The following ADK variants were observed in gnomAD, a reference collection of about 807,000 sequenced individuals.
ADK encodes N6,N6-dimethyladenosine kinase.
ADK carries 24 observed loss-of-function variants against 44.7 expected under a neutral mutation model. That is an observed-to-expected ratio of 0.54 (90% CI 0.39 to 0.76). ADK has a LOEUF of 0.76. Among genes scored for constraint, ADK ranks in the 30% least tolerant of loss-of-function variants. ADK has a pLI of 0.00. For missense variants in ADK, 321 were observed against 425.1 expected (o/e 0.76, Z 2.15); for synonymous variants, 128 against 142.6 (o/e 0.90, Z 0.73).
At chr10:74,411,309 T>C (rs1844167986) in intron 6 of ADK, among the ~76,000 whole-genome samples, 1 of 152,198 alleles carries the variant, frequency 6.6e-6, no homozygotes, top group African/African-American at 2.4e-5. Context: ...TATGAATCTT[T>C]TTCATTCATG....
At chr10:74,655,095 C>A in intron 9 of ADK, 1 of 274,626 alleles carries the variant, frequency 3.6e-6, no homozygotes, top group South Asian at 4.4e-5. Flanking sequence ...CTCTGGGAAC[C>A]TTACCCTGGG....
At chr10:74,378,205 G>A (rs905531606) in intron 4 of ADK, among the ~76,000 whole-genome samples, 1 of 152,080 alleles carries the variant, frequency 6.6e-6, no homozygotes, top group African/African-American at 2.4e-5. Context: ...GAGCCCAGGA[G>A]TTTGAGGTTA....
chr10:74,398,562 A>G lies in ADK; in HGVS notation c.538A>G (p.Arg180Gly). The G allele has an allele frequency of 6.2e-7, 1 of 1,605,000 alleles. No individual in the cohort carries two copies. Among genetic ancestry groups the G allele is most frequent in the Non-Finnish European group, 8.5e-7 (1 of 1,172,698 alleles). ...AAACTGGATGTTGGTAGAAAAAGCA[A>G]GAGTTTGTTATATAGCAGTAAGTAC... ...EKNWMLVEKA[R>G]VCYIAGFFLT... Residue 180 changes from arginine to glycine, a missense_variant, in exon 6 of 11, where the codon AGA becomes GGA. Arg to Gly is a moderately radical substitution (Grantham distance 125). Transcript: ENST00000539909.
intron 1 of ADK, among the ~76,000 whole-genome samples, chr10:74,159,425 C>T (rs1409143794): frequency 1.3e-5 from 2 of 152,150 alleles, no homozygotes; most frequent in Non-Finnish European, 2.9e-5. Flanking sequence ...GTGAAGGTAG[C>T]CTGTGTGATC....
intron 3 of ADK, among the ~76,000 whole-genome samples, chr10:74,276,964 C>A (rs1410802033): frequency 6.6e-6 from 1 of 151,434 alleles, no homozygotes; most frequent in East Asian, 1.9e-4. Context: ...GTTGCACAGA[C>A]TGCAGTACAG....
At chr10:74,372,311 G>A in intron 4 of ADK, 1 of 756,528 alleles carries the variant, frequency 1.3e-6, no homozygotes, top group Non-Finnish European at 2.4e-6. Flanking sequence ...CTATTCATCA[G>A]TTCCCTACTG....
chr10:74,302,088 CTGTTTTTTTTTTGTTTGTTTGTTTTT>C (rs1840055336), intron 3 of ADK, among the ~76,000 whole-genome samples: 1 of 21,882 alleles, frequency 4.6e-5, no homozygotes, highest in African/African-American at 1.8e-4. Flanking sequence ...CTTTTCTTTT[CTGTTTTTTTTTTGTTTGTTTGTTTTT>C]TTTTTTTTTT....
intron 6 of ADK, among the ~76,000 whole-genome samples, chr10:74,478,523 A>T (rs558305677): frequency 6.6e-6 from 1 of 152,198 alleles, no homozygotes; most frequent in Admixed American, 6.5e-5. Flanking sequence ...ACACCCAGCA[A>T]TTCTTTAAAT....
At chr10:74,423,031 A>G (rs1489098136) in intron 6 of ADK, among the ~76,000 whole-genome samples, 1 of 152,132 alleles carries the variant, frequency 6.6e-6, no homozygotes, top group Non-Finnish European at 1.5e-5. Context: ...ATATGGATGT[A>G]GATGCTCTTG....
intron 6 of ADK, among the ~76,000 whole-genome samples, chr10:74,456,527 C>T (rs1361949116): frequency 1.3e-5 from 2 of 151,750 alleles, no homozygotes; most frequent in Non-Finnish European, 2.9e-5. Flanking sequence ...ATTAGCCGGG[C>T]GTGATGGCGG....
At chr10:74,636,736 G>A (rs1257391195) in intron 9 of ADK, among the ~76,000 whole-genome samples, 1 of 152,176 alleles carries the variant, frequency 6.6e-6, no homozygotes, top group African/African-American at 2.4e-5. Context: ...ACAAGAAGAG[G>A]AAGCAGCCAA....
intron 6 of ADK, among the ~76,000 whole-genome samples, chr10:74,464,663 T>C (rs1846287376): frequency 6.6e-6 from 1 of 152,126 alleles, no homozygotes; most frequent in Non-Finnish European, 1.5e-5. Flanking sequence ...CCCAAAAACT[T>C]TTTAATTATT....
In ADK at chr10:74,591,395, C is replaced by T. The variant is rs183732067; in HGVS notation, c.762+2078C>T. ...GTGATATGTTAGACTAAATAAAGCA[C>T]ATAGTGTCTTGATGTGTCTCTTCGT... On this transcript the variant is annotated intron_variant, in intron 8 of 10. Transcript: ENST00000539909. Among the ~76,000 whole-genome samples the T allele has an allele frequency of 2.1e-4, 32 of 152,266 alleles. No homozygotes were observed. The East Asian group carries it at 6.0e-3, about 28-fold the overall frequency.
At chr10:74,165,900 G>A (rs1842021608) in intron 1 of ADK, among the ~76,000 whole-genome samples, 1 of 152,150 alleles carries the variant, frequency 6.6e-6, no homozygotes, top group South Asian at 2.1e-4. Flanking sequence ...GGTATGGTTT[G>A]CAAATGGATT....
At chr10:74,201,371 G>A (rs1274443538) in intron 2 of ADK, among the ~76,000 whole-genome samples, 4 of 152,086 alleles carry the variant, frequency 2.6e-5, no homozygotes, top group African/African-American at 9.7e-5. Flanking sequence ...AGTATTTGAG[G>A]CCATTTCGTA....
intron 2 of ADK, among the ~76,000 whole-genome samples, chr10:74,205,536 C>T (rs565293483): frequency 2.5e-4 from 38 of 151,858 alleles, no homozygotes; most frequent in African/African-American, 9.2e-4. Context: ...ATTAACTGGG[C>T]ATGGTGGTGT....
chr10:74,258,421 G>A (rs1208161516), intron 3 of ADK, among the ~76,000 whole-genome samples: 4 of 151,978 alleles, frequency 2.6e-5, no homozygotes, highest in African/African-American at 7.3e-5. Context: ...TTAATTTAAA[G>A]TTTTGATGAA....
rs544562127 is a variant in ADK at position 74,570,019 on chromosome 10, A to G, written c.727-19263A>G. 2.2e-4 allele frequency among the ~76,000 whole-genome samples: 33 copies of G among 152,226 alleles called. 2 individuals are homozygous for G. The highest frequency in any genetic ancestry group is 7.7e-4 in the African/African-American group (32 of 41,520). ...CTAGCCAGTTTTCCCAGCACCATTT[A>G]TTAAATAGGGAATCCTTTCCCCATT... On this transcript the variant is annotated intron_variant, in intron 7 of 10. Coordinates refer to ENST00000539909, the MANE Select transcript of ADK (RefSeq NM_006721.4).
intron 3 of ADK, among the ~76,000 whole-genome samples, chr10:74,313,130 T>C (rs1316531528): frequency 1.3e-5 from 2 of 152,054 alleles, no homozygotes; most frequent in Non-Finnish European, 2.9e-5. Context: ...ACTTTATGAC[T>C]TCAACAATAT....
Sources: gnomAD v4.1 joint callset for allele counts (sites outside exome capture counted in the v4.1 genomes callset) on GRCh38, gnomAD v4.1.1 for gene constraint, MANE v1.5 for transcripts, NCBI Gene and HGNC (gene_info 2026-07-23, HGNC 2026-07-21) for gene names.